The following RAD51B variants were observed in gnomAD, a reference collection of about 807,000 sequenced individuals.
RAD51B encodes the protein DNA repair protein RAD51 homolog 2.
A neutral mutation model predicts 42.2 loss-of-function variants in RAD51B; 38 were observed. The ratio of observed to expected loss-of-function variants is 0.90; its 90% CI spans 0.70 to 1.18. The LOEUF is 1.18. Ranked by LOEUF, RAD51B falls within the 50% of genes most tolerant of loss-of-function variation. The probability of loss-of-function intolerance (pLI) is 0.00; values close to 1 mark genes in which losing one functional copy is unlikely to be tolerated. For synonymous variants in RAD51B, 154 were observed against 145.2 expected, an observed-to-expected ratio of 1.06 and a Z score of -0.43; for missense variants, 373 against 400.7, an observed-to-expected ratio of 0.93 and a Z score of 0.59.
chr14:68,125,359 C>G (rs2077735061), intron 7 of RAD51B: 1 of 152,204 alleles, frequency 6.6e-6, no homozygotes, highest in South Asian at 2.1e-4. Flanking sequence ...ACTCTGCTGG[C>G]TCATCAAGGG....
At chr14:68,611,821 C>T (rs367801871), downstream of RAD51B, among the ~76,000 whole-genome samples, 136 of 152,272 alleles carry the variant, frequency 8.9e-4, no homozygotes, top group African/African-American at 3.0e-3. Context: ...GTCAGGTCCA[C>T]GTTTGCTTTC....
At chr14:68,269,254 A>T (rs1447025471) in intron 7 of RAD51B, among the ~76,000 whole-genome samples, 1 of 152,192 alleles carries the variant, frequency 6.6e-6, no homozygotes, top group East Asian at 1.9e-4. Context: ...AAACCAGATC[A>T]TGTCAGTCTC....
intron 7 of RAD51B, among the ~76,000 whole-genome samples, chr14:68,274,110 T>C (rs890584432): frequency 1.3e-5 from 2 of 152,168 alleles, no homozygotes; most frequent in Non-Finnish European, 2.9e-5. Context: ...CTAACTGATA[T>C]GCTTGAATTG....
chr14:68,411,260 TC>T (rs1459148439), intron 8 of RAD51B, among the ~76,000 whole-genome samples, 163 bp from the exon 9 acceptor site: 1 of 152,192 alleles, frequency 6.6e-6, no homozygotes, highest in East Asian at 1.9e-4. Flanking sequence ...AGTCTCATAT[TC>T]CTTAACCCCT....
rs117792274 is a variant in RAD51B, at chr14:68,347,552, C to T, written c.853+55572C>T. Among the ~76,000 whole-genome samples, 522 of 152,276 alleles carry T rather than the reference C, an allele frequency of 3.4e-3. 11 individuals are homozygous for T. In the East Asian group the frequency reaches 0.055, roughly 16 times the overall value. On this transcript the variant is annotated intron_variant, in intron 8 of 10. Transcript: ENST00000471583. ...CATATATATTAGCCAGGCATGGTGG[C>T]GTGTGCCTCCCAAATTGGCTGAAGC...
At chr14:67,876,660 T>C (rs1178554004) in intron 5 of RAD51B, among the ~76,000 whole-genome samples, 1 of 152,216 alleles carries the variant, frequency 6.6e-6, no homozygotes, top group Non-Finnish European at 1.5e-5. Context: ...TTCTAACCAT[T>C]TTCTGAGGCA....
chr14:67,949,209 G>A (rs2074395786), intron 7 of RAD51B, among the ~76,000 whole-genome samples: 1 of 152,064 alleles, frequency 6.6e-6, no homozygotes, highest in Non-Finnish European at 1.5e-5. Context: ...TTTCTCTGTA[G>A]CATATCATGC....
chr14:68,243,347 A>G (rs1194603213), intron 7 of RAD51B, among the ~76,000 whole-genome samples: 1 of 152,312 alleles, frequency 6.6e-6, no homozygotes, highest in South Asian at 2.1e-4. Flanking sequence ...TATATTATGC[A>G]CACTTTTAGG....
chr14:68,622,195 G>A (rs913031570), intron 10 of RAD51B, among the ~76,000 whole-genome samples: 1 of 152,198 alleles, frequency 6.6e-6, no homozygotes, highest in Admixed American at 6.5e-5. Flanking sequence ...GCTGTCTCAG[G>A]AGCAGAATCC....
intron 10 of RAD51B, among the ~76,000 whole-genome samples, chr14:68,545,159 C>G (rs1010551130): frequency 2.0e-5 from 3 of 152,228 alleles, no homozygotes; most frequent in African/African-American, 7.2e-5. Flanking sequence ...TCTTTGAGCA[C>G]CAGGTTCCAT....
intron 4 of RAD51B, among the ~76,000 whole-genome samples, chr14:67,836,655 G>C (rs2041252147): frequency 6.6e-6 from 1 of 151,990 alleles, no homozygotes; most frequent in Non-Finnish European, 1.5e-5. Flanking sequence ...ACTAGAGATG[G>C]GGTTTCACCA....
chr14:68,048,212 T>C (rs975870995), intron 7 of RAD51B, among the ~76,000 whole-genome samples: 16 of 152,202 alleles, frequency 1.1e-4, no homozygotes, highest in Admixed American at 1.0e-3. Flanking sequence ...CATTTTTTCA[T>C]GTGTCTGTTG....
At position 68,402,500 on chromosome 14, in the gene RAD51B, G is replaced by A. The variant is rs112158171; in HGVS notation, c.854-8924G>A. Among the ~76,000 whole-genome samples the A allele has an allele frequency of 9.8e-5, 15 of 152,286 alleles. No homozygotes were observed. In the South Asian group the frequency reaches 1.9e-3, roughly 19 times the overall value. The stretch of plus-strand genomic sequence containing the variant: ...TCCCTAGTCTCGCACTCAGACTCCC[G>A]TCTTTAAGCTTTGTTACTATGAAGT... On this transcript the variant is annotated intron_variant, in intron 8 of 10. Coordinates refer to ENST00000471583, the MANE Select transcript of RAD51B (RefSeq NM_133510.4).
intron 10 of RAD51B, among the ~76,000 whole-genome samples, chr14:68,555,009 C>T (rs1426007130): frequency 2.6e-5 from 4 of 152,060 alleles, no homozygotes; most frequent in South Asian, 2.1e-4. Flanking sequence ...CCACCACACC[C>T]GACTATTTTT....
At chr14:68,356,475 C>CTTT (rs2082905370) in intron 8 of RAD51B, among the ~76,000 whole-genome samples, 1 of 150,786 alleles carries the variant, frequency 6.6e-6, no homozygotes, top group East Asian at 1.9e-4. Flanking sequence ...ACACTCTACT[C>CTTT]TATTAAAAGT....
intron 7 of RAD51B, among the ~76,000 whole-genome samples, chr14:68,169,681 C>T (rs2078829660): frequency 6.6e-6 from 1 of 152,026 alleles, no homozygotes; most frequent in African/African-American, 2.4e-5. Flanking sequence ...GTCTGAGAGG[C>T]AGTTAGTGAT....
Position 68,021,957 on chromosome 14 carries a change from G to A in RAD51B, c.756+134753G>A, listed in dbSNP as rs140825531. Among the ~76,000 whole-genome samples, 1,233 of 152,220 alleles carry A rather than the reference G, an allele frequency of 8.1e-3. 7 individuals are homozygous for A. Among genetic ancestry groups the A allele is most frequent in the Non-Finnish European group, 0.013 (869 of 68,000 alleles). ...ACAGGCTGGTGGTTGGTGAAAGTTGGGTAGCTATGGCAATTTCTTAAAATA... is the reference window on the plus strand; with the variant it reads ...ACAGGCTGGTGGTTGGTGAAAGTTGAGTAGCTATGGCAATTTCTTAAAATA... On this transcript the variant is annotated intron_variant, in intron 7 of 10. Coordinates refer to ENST00000471583, the MANE Select transcript of RAD51B (RefSeq NM_133510.4).
At chr14:68,095,408 C>G (rs932909000) in intron 7 of RAD51B, among the ~76,000 whole-genome samples, 3 of 151,972 alleles carry the variant, frequency 2.0e-5, no homozygotes, top group African/African-American at 7.3e-5. Context: ...CTCTTGGGAT[C>G]ATGCTTAATT....
chr14:68,102,280 C>T (rs1362295025), intron 7 of RAD51B, among the ~76,000 whole-genome samples: 1 of 152,220 alleles, frequency 6.6e-6, no homozygotes, highest in Non-Finnish European at 1.5e-5. Flanking sequence ...CATTTGACTC[C>T]TTGCTACTTA....
Sources: gnomAD v4.1 joint callset for allele counts (sites outside exome capture counted in the v4.1 genomes callset) on GRCh38, gnomAD v4.1.1 for gene constraint, MANE v1.5 for transcripts, NCBI Gene and HGNC (gene_info 2026-07-23, HGNC 2026-07-21) for gene names.